TRIO: variants seen among roughly 807,000 people sequenced by gnomAD.
TRIO encodes trio Rho guanine nucleotide exchange factor, also known as triple functional domain protein.
TRIO carries 58 observed loss-of-function variants against 351.9 expected under a neutral mutation model. The observed-to-expected ratio is 0.16, with a 90% confidence interval of 0.13 to 0.21. The LOEUF (loss-of-function observed/expected upper bound fraction) is 0.21. Among genes scored for constraint, TRIO ranks in the 10% least tolerant of loss-of-function variants. The probability of loss-of-function intolerance (pLI) is 1.00; values close to 1 mark genes in which losing one functional copy is unlikely to be tolerated. For missense variants in TRIO, 3,201 were observed against 4,027.8 expected (o/e 0.79, Z 5.56); for synonymous variants, 1,758 against 1,595.7 (o/e 1.10, Z -2.42).
chr5:14,416,175 G>T (rs185797205), intron 33 of TRIO, among the ~76,000 whole-genome samples: 1 of 147,480 alleles, frequency 6.8e-6, no homozygotes, highest in Non-Finnish European at 1.5e-5. Context: ...TCCGTCAGAC[G>T]TAACATACGA....
At chr5:14,463,956 G>A (rs1348372973) in intron 36 of TRIO, among the ~76,000 whole-genome samples, 2 of 152,078 alleles carry the variant, frequency 1.3e-5, no homozygotes, top group African/African-American at 4.8e-5. Flanking sequence ...TTTTTAACAC[G>A]AGACCAGCAC....
rs760337633 is a variant in TRIO at position 14,368,783 on chromosome 5, A to G, written c.2950A>G (p.Met984Val). Residue 984 changes from methionine (M) to valine (V), a missense_variant, in exon 17 of 57, where the codon ATG (methionine) becomes GTG (valine). Met to Val is a conservative substitution (Grantham distance 21). Transcript: ENST00000344204. Reference sequence around the variant, plus strand: ...ACAGGCCAACCACTACGACATGGACATGATCCGGGACTGCGCCGAGAAGGT... The same window carrying G: ...ACAGGCCAACCACTACGACATGGACGTGATCCGGGACTGCGCCGAGAAGGT... ...MLQANHYDMD[M>V]IRDCAEKVAS... 1.2e-6 allele frequency: 2 copies of G among 1,614,152 alleles called. No homozygotes were observed. Among genetic ancestry groups the G allele is most frequent in the African/African-American group, 1.3e-5 (1 of 75,046 alleles).
chr5:14,493,980 A>C (rs1756690090), intron 49 of TRIO, among the ~76,000 whole-genome samples: 1 of 152,212 alleles, frequency 6.6e-6, no homozygotes, highest in South Asian at 2.1e-4. Context: ...ATAAAGGCTG[A>C]GAGAGATGAG....
At chr5:14,333,316 A>G (rs536472206) in intron 10 of TRIO, among the ~76,000 whole-genome samples, 6 of 152,076 alleles carry the variant, frequency 3.9e-5, no homozygotes, top group Non-Finnish European at 7.4e-5. Context: ...TGCTTACTCT[A>G]TCCTGTGGAC....
intron 1 of TRIO, among the ~76,000 whole-genome samples, chr5:14,231,720 T>C (rs1793441976): frequency 6.6e-6 from 1 of 152,220 alleles, no homozygotes; most frequent in Non-Finnish European, 1.5e-5. Context: ...CTTAAAACTT[T>C]TATTATTCAA....
chr5:14,350,071 T>C (rs1742916590), intron 11 of TRIO, among the ~76,000 whole-genome samples: 1 of 152,200 alleles, frequency 6.6e-6, no homozygotes, highest in African/African-American at 2.4e-5. Context: ...TTTTTATGAC[T>C]GCATAGTATA....
At chr5:14,504,634 C>T in intron 55 of TRIO, 41 bp downstream of exon 55, 4 of 1,601,946 alleles carry the variant, frequency 2.5e-6, no homozygotes, top group Non-Finnish European at 3.4e-6. Context: ...AGCCCTCTGC[C>T]TCCACCTCAG....
In TRIO at chr5:14,302,896, G is replaced by A. The variant is rs1011822858; in HGVS notation, c.1369-1565G>A. 3.9e-5 allele frequency among the ~76,000 whole-genome samples: 6 copies of A among 152,354 alleles called. No individual in the cohort carries two copies. In the East Asian group the frequency reaches 5.8e-4, roughly 15 times the overall value. On this transcript the variant is annotated intron_variant, in intron 7 of 56. Transcript: ENST00000344204. ...ATTAGCTTTTTTAATTGGGCCTTCCGCACTTGCCTTTCACTCTTAACTGTG... is the reference window on the plus strand; with the variant it reads ...ATTAGCTTTTTTAATTGGGCCTTCCACACTTGCCTTTCACTCTTAACTGTG...
chr5:14,432,946 T>C (rs1579639795), intron 34 of TRIO, among the ~76,000 whole-genome samples: 1 of 152,294 alleles, frequency 6.6e-6, no homozygotes, highest in East Asian at 1.9e-4. Context: ...TTAAGAGAAA[T>C]GGGACATCAA....
At chr5:14,469,790 C>G (rs1441776959) in intron 37 of TRIO, among the ~76,000 whole-genome samples, 2 of 152,212 alleles carry the variant, frequency 1.3e-5, no homozygotes, top group East Asian at 1.9e-4. Flanking sequence ...TGTTGCAGGT[C>G]GAGAAAGCTG....
intron 1 of TRIO, among the ~76,000 whole-genome samples, chr5:14,220,102 G>T (rs1181358555): frequency 2.7e-5 from 4 of 148,262 alleles, no homozygotes; most frequent in African/African-American, 1.0e-4. Flanking sequence ...CCTGTGTTGA[G>T]TAAGTGTATC....
chr5:14,482,882 G>C, intron 46 of TRIO, 109 bp downstream of exon 46: 1 of 1,132,868 alleles, frequency 8.8e-7, no homozygotes, highest in Non-Finnish European at 1.2e-6. Context: ...TTAAGTATTT[G>C]AGAATTTTCT....
chr5:14,412,290 G>A (rs182292609), intron 33 of TRIO, among the ~76,000 whole-genome samples: 13 of 152,230 alleles, frequency 8.5e-5, no homozygotes, highest in Non-Finnish European at 1.2e-4. Context: ...GCCCGGCCAC[G>A]GTTCCGTGTA....
chr5:14,369,712 G>T (rs979018954), intron 18 of TRIO, among the ~76,000 whole-genome samples, 189 bp downstream of exon 18: 2 of 152,244 alleles, frequency 1.3e-5, no homozygotes, highest in African/African-American at 4.8e-5. Context: ...TTTCATGTGC[G>T]ATTGCCTTGT....
intron 1 of TRIO, among the ~76,000 whole-genome samples, chr5:14,181,151 A>G (rs2152137587): frequency 6.8e-6 from 1 of 146,310 alleles, no homozygotes; most frequent in African/African-American, 2.5e-5. Context: ...TTTGTAGGAC[A>G]TACAGCTAAC....
chr5:14,168,335 T>A (rs529115243), intron 1 of TRIO, among the ~76,000 whole-genome samples: 12 of 152,338 alleles, frequency 7.9e-5, no homozygotes, highest in African/African-American at 2.9e-4. Flanking sequence ...CTTGAAGAAG[T>A]TTACCCTGAA....
intron 53 of TRIO, 82 bp downstream of exon 53, chr5:14,498,722 T>TA: frequency 6.4e-7 from 1 of 1,571,962 alleles, no homozygotes; most frequent in South Asian, 1.1e-5. Flanking sequence ...AGTCTGCCCT[T>TA]ACACTCCAAG....
At position 14,465,793 on chromosome 5, in the gene TRIO, C is replaced by A. The variant is rs1384773646; in HGVS notation, c.5763+153C>A. 1.3e-5 allele frequency: 10 copies of A among 749,836 alleles called. No homozygotes were observed. In the Admixed American group the frequency reaches 2.2e-4, roughly 17 times the overall value. The allele number at this position is 749,836 out of a possible 1,614,324, so 46.4% of individuals were successfully genotyped here. A position where few individuals can be genotyped will look rare whatever the true frequency, so the allele number is the denominator to read the frequency against. On this transcript the variant is annotated intron_variant, in intron 37 of 56. Transcript: ENST00000344204. The stretch of plus-strand genomic sequence containing the variant: ...GAGTCCCCATGACCACCCTCGGGTT[C>A]ACTGATTTGAAGGACTCAGAGAACT...
At chr5:14,150,285 G>A (rs1787751343) in intron 1 of TRIO, among the ~76,000 whole-genome samples, 1 of 151,970 alleles carries the variant, frequency 6.6e-6, no homozygotes, top group Admixed American at 6.6e-5. Flanking sequence ...AAAACAGATG[G>A]GCATTGATTG....
Sources: allele counts gnomAD v4.1 joint callset (sites outside exome capture counted in the v4.1 genomes callset), GRCh38; gene constraint gnomAD v4.1.1; transcripts MANE v1.5; gene names NCBI Gene and HGNC (gene_info 2026-07-23, HGNC 2026-07-21).